AGMO: variants seen among roughly 807,000 people sequenced by gnomAD.
AGMO encodes the protein alkylglycerol monooxygenase.
AGMO carries 75 observed loss-of-function variants against 60.2 expected under a neutral mutation model. The ratio of observed to expected loss-of-function variants is 1.25; its 90% CI spans 1.03 to 1.51. AGMO has a LOEUF of 1.51. AGMO is among the 40% of genes most tolerant of loss of function. AGMO has a pLI of 0.00. For missense variants in AGMO, 763 were observed against 525.5 expected (o/e 1.45, Z -4.42); for synonymous variants, 261 against 177.1 (o/e 1.47, Z -3.76).
intron 3 of AGMO, among the ~76,000 whole-genome samples, chr7:15,451,069 T>TA (rs5882509): frequency 0.63 from 94,546 of 151,186 alleles, 30,115 homozygotes; most frequent in Non-Finnish European, 0.69. Flanking sequence ...ATATGAAAAT[T>TA]AAAAAAAAAT....
the AGMO span, among the ~76,000 whole-genome samples, chr7:15,135,974 C>CTTTTTTTTTTTTTTTTTTTTTTTTT: frequency 6.3e-5 from 4 of 63,804 alleles, no homozygotes; most frequent in African/African-American, 1.6e-4. Flanking sequence ...TATATTTTTT[C>CTTTTTTTTTTTTTTTTTTTTTTTTT]TTTTCTTTTT....
At chr7:15,474,816 T>C (rs1782549881) in intron 3 of AGMO, among the ~76,000 whole-genome samples, 2 of 151,868 alleles carry the variant, frequency 1.3e-5, no homozygotes, top group African/African-American at 2.4e-5. Flanking sequence ...AGGGCTAATA[T>C]CCAGAATGTA....
chr7:15,125,543 T>G, the AGMO span, among the ~76,000 whole-genome samples: 1 of 152,110 alleles, frequency 6.6e-6, no homozygotes, highest in East Asian at 1.9e-4. Flanking sequence ...ATTACTCTCT[T>G]CCTGTGGCAA....
chr7:15,362,041 A>G lies in AGMO; in HGVS notation c.1263+3473T>C, dbSNP rs79376683. ...AAAATGAAGAGAATATAGTGTCCTT[A>G]TAGTACAATCACTCCTAGTCAGTCA... is the stretch of plus-strand genomic sequence containing the variant. On this transcript the variant is annotated intron_variant, in intron 12 of 12. Coordinates refer to ENST00000342526, the MANE Select transcript of AGMO (RefSeq NM_001004320.2). Among the ~76,000 whole-genome samples, 266 of 152,282 alleles carry G rather than the reference A, an allele frequency of 1.7e-3. 1 individual carries two copies. Among genetic ancestry groups the G allele is most frequent in the Non-Finnish European group, 3.2e-3 (218 of 68,008 alleles).
intron 12 of AGMO, among the ~76,000 whole-genome samples, chr7:15,306,878 C>T (rs1327255949): frequency 6.6e-6 from 1 of 151,824 alleles, no homozygotes; most frequent in Admixed American, 6.6e-5. Context: ...ATAATCATAA[C>T]AGAGGTAATG....
Position 15,387,919 on chromosome 7 carries a change from T to TTTTC in AGMO, c.823-380_823-379insGAAA, listed in dbSNP as rs1322592631. 2.7e-5 allele frequency among the ~76,000 whole-genome samples: 4 copies of TTTTC among 146,500 alleles called. No individual in the cohort carries two copies. In the East Asian group the frequency reaches 7.8e-4, roughly 28 times the overall value. On this transcript the variant is annotated intron_variant, in intron 8 of 12. Coordinates refer to ENST00000342526, the MANE Select transcript of AGMO (RefSeq NM_001004320.2). Reference sequence around the variant, plus strand: ...GACACATTCTCTTTTTTTTTTTTTTTTTCCCCAAGACAGAGTCTCGCTCTG... The same window carrying TTTTC: ...GACACATTCTCTTTTTTTTTTTTTTTTTTCTTCCCCAAGACAGAGTCTCGCTCTG...
the AGMO span, among the ~76,000 whole-genome samples, chr7:15,187,880 A>T: frequency 9.8e-5 from 12 of 122,792 alleles, no homozygotes; most frequent in Admixed American, 7.2e-4. Flanking sequence ...TCTCGGGTAA[A>T]TTCGTGACAA....
At chr7:15,519,013 C>T (rs749360548) in intron 3 of AGMO, among the ~76,000 whole-genome samples, 6 of 151,270 alleles carry the variant, frequency 4.0e-5, no homozygotes, top group Non-Finnish European at 7.4e-5. Flanking sequence ...TGAGAACTTC[C>T]TGAAGCATAC....
chr7:15,326,818 G>GA (rs1025247245), intron 12 of AGMO, among the ~76,000 whole-genome samples: 2 of 151,628 alleles, frequency 1.3e-5, no homozygotes, highest in African/African-American at 2.4e-5. Flanking sequence ...TAGCGAAAAA[G>GA]AAAAAAACAA....
chr7:15,485,616 C>T (rs1250271339), intron 3 of AGMO, among the ~76,000 whole-genome samples: 4 of 152,040 alleles, frequency 2.6e-5, no homozygotes. Flanking sequence ...GATTATTTCT[C>T]CCATGTTTGC....
At chr7:15,458,812 G>T (rs1417113452) in intron 3 of AGMO, among the ~76,000 whole-genome samples, 1 of 152,098 alleles carries the variant, frequency 6.6e-6, no homozygotes, top group Non-Finnish European at 1.5e-5. Context: ...GCCAAGTCAG[G>T]AACCCTGGAC....
chr7:15,345,895 G>A (rs1782015448), intron 12 of AGMO, among the ~76,000 whole-genome samples: 1 of 151,614 alleles, frequency 6.6e-6, no homozygotes, highest in African/African-American at 2.4e-5. Context: ...TTTTTTTTGA[G>A]TATGTGAGTA....
intron 5 of AGMO, among the ~76,000 whole-genome samples, chr7:15,403,933 G>C (rs986320916): frequency 9.6e-4 from 146 of 151,928 alleles, no homozygotes; most frequent in Admixed American, 1.3e-3. Flanking sequence ...TGTCTGCCTA[G>C]TTTCACACTT....
At chr7:15,370,908 T>A (rs1420721120) in intron 10 of AGMO, among the ~76,000 whole-genome samples, 1 of 152,170 alleles carries the variant, frequency 6.6e-6, no homozygotes, top group Non-Finnish European at 1.5e-5. Context: ...GTCCCATCTG[T>A]CAATTTTTGT....
Position 15,446,209 on chromosome 7 carries a change from G to A in AGMO, c.410-15101C>T, listed in dbSNP as rs776616804. Among the ~76,000 whole-genome samples, 71 of 152,112 alleles carry A rather than the reference G, an allele frequency of 4.7e-4. 1 individual carries two copies. Among genetic ancestry groups the A allele is most frequent in the Non-Finnish European group, 1.5e-4 (10 of 68,014 alleles). On this transcript the variant is annotated intron_variant, in intron 3 of 12. Coordinates refer to ENST00000342526, the MANE Select transcript of AGMO (RefSeq NM_001004320.2). ...TGCCTTGATCTCTGAGCTTTGCAGTGCAATGTGAATTTGGGCAGCCACAAA... is the reference window on the plus strand; with the variant it reads ...TGCCTTGATCTCTGAGCTTTGCAGTACAATGTGAATTTGGGCAGCCACAAA...
downstream of AGMO, among the ~76,000 whole-genome samples, chr7:15,195,599 C>T (rs550596254): frequency 2.7e-4 from 41 of 152,322 alleles, no homozygotes; most frequent in South Asian, 8.3e-3. Context: ...CATGGAACCA[C>T]CGTTTTGAAC....
chr7:15,305,867 A>G (rs1377812116), intron 12 of AGMO, among the ~76,000 whole-genome samples: 1 of 152,026 alleles, frequency 6.6e-6, no homozygotes, highest in African/African-American at 2.4e-5. Context: ...AAATGGCACT[A>G]TGGGTACATG....
intron 12 of AGMO, among the ~76,000 whole-genome samples, chr7:15,241,459 C>CAAAAAA (rs61727790): frequency 2.7e-4 from 14 of 51,350 alleles, no homozygotes; most frequent in Non-Finnish European, 4.4e-4. Context: ...GACTCCGTCT[C>CAAAAAA]AAAAAAAAAA....
Position 15,231,807 on chromosome 7 carries a change from T to C in AGMO, c.1264-30448A>G, listed in dbSNP as rs1018976929. ...TTCTTCCCTTTCTTTTGCACCTGTT[T>C]TCATATGTGGCTGGTACAAAGCTGT... On this transcript the variant is annotated intron_variant, in intron 12 of 12. Coordinates refer to ENST00000342526, the MANE Select transcript of AGMO (RefSeq NM_001004320.2). Among the ~76,000 whole-genome samples the C allele has an allele frequency of 3.3e-5, 5 of 152,182 alleles. No homozygotes were observed. In the East Asian group the frequency reaches 9.6e-4, roughly 29 times the overall value.
Sources: gnomAD v4.1 joint callset for allele counts (sites outside exome capture counted in the v4.1 genomes callset) on GRCh38, gnomAD v4.1.1 for gene constraint, MANE v1.5 for transcripts, NCBI Gene and HGNC (gene_info 2026-07-23, HGNC 2026-07-21) for gene names.